Variants in ZFC3H1 observed in about 807,000 individuals in gnomAD.
ZFC3H1 encodes zinc finger C3H1-type containing.
ZFC3H1 carries 71 observed loss-of-function variants against 243.7 expected under a neutral mutation model. The ratio of observed to expected loss-of-function variants is 0.29; its 90% CI spans 0.24 to 0.36. The LOEUF (loss-of-function observed/expected upper bound fraction) is 0.36, where lower values mean the gene tolerates loss of function less well. Among genes scored for constraint, ZFC3H1 ranks in the 10% least tolerant of loss-of-function variants. The probability of loss-of-function intolerance (pLI) is 1.00; values close to 1 mark genes in which losing one functional copy is unlikely to be tolerated. For missense variants in ZFC3H1, 1,966 were observed against 2,317.1 expected, an observed-to-expected ratio of 0.85 and a Z score of 3.11; for synonymous variants, 838 against 813.0, an observed-to-expected ratio of 1.03 and a Z score of -0.52.
intron 24 of ZFC3H1, among the ~76,000 whole-genome samples, chr12:71,622,765 C>A (rs1397803347): frequency 3.3e-5 from 5 of 152,188 alleles, no homozygotes; most frequent in African/African-American, 1.2e-4. Flanking sequence ...CGGCCCTAGT[C>A]TCTTTTACGT....
rs1247686038 is a variant in ZFC3H1 at position 71,645,061 on chromosome 12, A to G, written c.1095T>C (p.Asp365=). The change falls in exon 4 of 35, where the codon GAT becomes GAC. Residue 365 remains aspartate (D), a synonymous_variant. Transcript: ENST00000378743. ...DILSEKKLGE[D]EEELSELQLR... ...GCTGTAATTCAGATAGTTCCTCTTC[A>G]TCTTCACCAAGTTTCTTTAAAGCAA... 2 of 1,600,774 alleles carry G rather than the reference A, an allele frequency of 1.2e-6. No homozygotes were observed. The highest frequency in any genetic ancestry group is 3.5e-5 in the Admixed American group (2 of 56,348).
intron 1 of ZFC3H1, among the ~76,000 whole-genome samples, chr12:71,659,527 T>C (rs1804534153): frequency 6.6e-6 from 1 of 151,922 alleles, no homozygotes; most frequent in African/African-American, 2.4e-5. Flanking sequence ...TGTAATTATC[T>C]GCATTTACAT....
In ZFC3H1 at chr12:71,663,663, C is replaced by T; in HGVS notation, c.-53G>A. 1 of 1,556,972 alleles carries T rather than the reference C, an allele frequency of 6.4e-7. No homozygotes were observed. Among genetic ancestry groups the T allele is most frequent in the Non-Finnish European group, 8.7e-7 (1 of 1,151,068 alleles). On this transcript the variant is annotated 5_prime_UTR_variant, in exon 1 of 35. Transcript: ENST00000378743. ...TTAGCCCTCCGTCCGGGGATCCGCC[C>T]GACAATTGCCTCGTTTCCCTTCTTT...
chr12:71,633,054 A>T, intron 13 of ZFC3H1, 37 bp from the exon 14 acceptor site: 1 of 1,547,986 alleles, frequency 6.5e-7, no homozygotes. Flanking sequence ...ATGTAAATGA[A>T]AACCTTAAAA....
At chr12:71,641,786 G>A (rs1004110794) in intron 6 of ZFC3H1, among the ~76,000 whole-genome samples, 1 of 152,188 alleles carries the variant, frequency 6.6e-6, no homozygotes, top group African/African-American at 2.4e-5. Flanking sequence ...AAAGCAGAAA[G>A]TATCTTGGAT....
intron 1 of ZFC3H1, among the ~76,000 whole-genome samples, chr12:71,658,785 G>A (rs1199899423): frequency 6.6e-6 from 1 of 152,098 alleles, no homozygotes; most frequent in East Asian, 1.9e-4. Flanking sequence ...CAGTTCTACA[G>A]CAAAACTGTT....
intron 1 of ZFC3H1, among the ~76,000 whole-genome samples, chr12:71,661,728 G>C (rs1339723655): frequency 2.0e-5 from 3 of 152,014 alleles, no homozygotes; most frequent in Non-Finnish European, 4.4e-5. Flanking sequence ...GTGATCCACC[G>C]CCTCGGCCTC....
At chr12:71,654,836 A>G (rs1880977270) in intron 2 of ZFC3H1, among the ~76,000 whole-genome samples, 1 of 152,222 alleles carries the variant, frequency 6.6e-6, no homozygotes, top group Non-Finnish European at 1.5e-5. Context: ...CCGAGACATG[A>G]GGATACAGAA....
rs763663725 is a variant in ZFC3H1, at chr12:71,619,977, ATTT to A, written c.4995_4997del (p.Lys1665del). ...GATAAAAAACCTCTGCATTCTGAGG[ATTT>A]TTTTCAAATGCAGTAAGCCACACTG... On this transcript the variant is annotated inframe_deletion, in exon 26 of 35. Transcript: ENST00000378743. The A allele has an allele frequency of 1.2e-6, 2 of 1,604,214 alleles. No homozygotes were observed. Among genetic ancestry groups the A allele is most frequent in the Non-Finnish European group, 1.7e-6 (2 of 1,173,624 alleles).
chr12:71,662,841 A>G (rs1005044328), intron 1 of ZFC3H1, 172 bp downstream of exon 1: 4 of 733,852 alleles, frequency 5.5e-6, no homozygotes, highest in South Asian at 1.8e-5. Context: ...CTTAAGAATA[A>G]CGCTATAGTG....
chr12:71,625,862 GGCAGTCA>G (rs1880151485), intron 22 of ZFC3H1, among the ~76,000 whole-genome samples: 1 of 152,132 alleles, frequency 6.6e-6, no homozygotes. Context: ...AATGTTTCCT[GGCAGTCA>G]TTATAATTTT....
At chr12:71,654,149 GTATT>G (rs1880959761) in intron 2 of ZFC3H1, among the ~76,000 whole-genome samples, 1 of 151,950 alleles carries the variant, frequency 6.6e-6, no homozygotes, top group Non-Finnish European at 1.5e-5. Context: ...TCTAAAGAAT[GTATT>G]TAAGCACAGA....
intron 24 of ZFC3H1, 87 bp from the exon 25 acceptor site, chr12:71,620,402 TG>T: frequency 7.6e-7 from 1 of 1,313,250 alleles, no homozygotes. Flanking sequence ...GAGAGACCAA[TG>T]GGAAAAGATG....
intron 6 of ZFC3H1, chr12:71,639,510 G>A (rs1029821101): frequency 2.8e-5 from 5 of 178,278 alleles, no homozygotes; most frequent in Non-Finnish European, 5.9e-5. Context: ...TTATGGACTT[G>A]GCATGTTTTC....
chr12:71,621,281 T>C (rs1032592437), intron 24 of ZFC3H1, among the ~76,000 whole-genome samples: 1 of 151,500 alleles, frequency 6.6e-6, no homozygotes, highest in African/African-American at 2.4e-5. Context: ...GTATTGATAA[T>C]TGTCCAATTA....
Position 71,642,642 on chromosome 12 carries a change from T to C in ZFC3H1, c.1504-83A>G, listed in dbSNP as rs531634735. 91 of 1,458,794 alleles carry C rather than the reference T, an allele frequency of 6.2e-5. 1 individual carries two copies. In the African/African-American group the frequency reaches 1.0e-3, roughly 16 times the overall value. 90.4% of individuals were successfully genotyped at this position (1,458,794 alleles called of 1,614,324 possible). ...CAAAAGAACTGATAGTTATCTTCTA[T>C]GGAAGAGTATCAAAAATCATGGTGA... is the stretch of plus-strand genomic sequence containing the variant. On this transcript the variant is annotated intron_variant, in intron 5 of 34. Transcript: ENST00000378743.
chr12:71,618,108 T>TA (rs1465848744), intron 27 of ZFC3H1, among the ~76,000 whole-genome samples: 1 of 151,688 alleles, frequency 6.6e-6, no homozygotes, highest in Non-Finnish European at 1.5e-5. Flanking sequence ...TACTAAAATA[T>TA]AAAAAAATTA....
At chr12:71,650,488 A>G (rs1880856199) in intron 2 of ZFC3H1, among the ~76,000 whole-genome samples, 1 of 152,120 alleles carries the variant, frequency 6.6e-6, no homozygotes, top group African/African-American at 2.4e-5. Context: ...TATTTAAAAT[A>G]TTACCAACTG....
intron 11 of ZFC3H1, 22 bp downstream of exon 11, chr12:71,634,678 TGTTA>T (rs1244155821): frequency 1.3e-6 from 2 of 1,572,342 alleles, no homozygotes; most frequent in Non-Finnish European, 1.7e-6. Flanking sequence ...ATACTTTTAA[TGTTA>T]ATTACATAAA....
Sources: gnomAD v4.1 joint callset for allele counts (sites outside exome capture counted in the v4.1 genomes callset) on GRCh38, gnomAD v4.1.1 for gene constraint, MANE v1.5 for transcripts, NCBI Gene and HGNC (gene_info 2026-07-23, HGNC 2026-07-21) for gene names.